Variants in STOX2 observed in about 807,000 individuals in gnomAD.
STOX2 encodes storkhead-box protein 2.
A neutral mutation model predicts 60.9 loss-of-function variants in STOX2; 28 were observed. That is an observed-to-expected ratio of 0.46 (90% CI 0.34 to 0.63). The LOEUF is 0.63. Among genes scored for constraint, STOX2 ranks in the 30% least tolerant of loss-of-function variants. STOX2 has a pLI of 0.01. For synonymous variants in STOX2, 472 were observed against 463.9 expected (o/e 1.02, Z -0.22); for missense variants, 1,024 against 1,187.7 (o/e 0.86, Z 2.03).
chr4:183,839,513 CTG>C (rs1275109149), intron 1 of STOX2, among the ~76,000 whole-genome samples: 3 of 152,226 alleles, frequency 2.0e-5, no homozygotes, highest in Admixed American at 2.0e-4. Context: ...GGCTCATCCG[CTG>C]TTCCTTTTAG....
Position 183,843,042 on chromosome 4 carries a change from G to A in STOX2, c.364+44987G>A, listed in dbSNP as rs141871234. On this transcript the variant is annotated intron_variant, in intron 1 of 2. Coordinates refer to the STOX2 transcript ENST00000513034. ...CAGGTGCCTGTAATCCCAGCTACTCGGGAGACTGAGGCAGAGAATTGCTTG... is the reference window on the plus strand; with the variant it reads ...CAGGTGCCTGTAATCCCAGCTACTCAGGAGACTGAGGCAGAGAATTGCTTG... Among the ~76,000 whole-genome samples, 1,491 of 151,486 alleles carry A rather than the reference G, an allele frequency of 9.8e-3. 28 individuals carry two copies. The highest frequency in any genetic ancestry group is 0.034 in the African/African-American group (1,397 of 41,284).
intron 1 of STOX2, among the ~76,000 whole-genome samples, chr4:183,860,457 AAG>A (rs1491022863): frequency 2.0e-5 from 3 of 147,784 alleles, no homozygotes; most frequent in Admixed American, 6.8e-5. Flanking sequence ...AAAAAAAAAA[AAG>A]AAGAAAAAGA....
At position 184,011,806 on chromosome 4, in the gene STOX2, G is replaced by A. The variant is rs979669350; in HGVS notation, c.2585+383G>A. 1.3e-5 allele frequency among the ~76,000 whole-genome samples: 2 copies of A among 152,070 alleles called. No individual in the cohort carries two copies. Among genetic ancestry groups the A allele is most frequent in the Admixed American group, 1.3e-4 (2 of 15,282 alleles). ...TAGAATAAATAGTCTGGGGGCGGGGGAGGAAGATAGGGGTTGGGAGTAAAC... is the reference window on the plus strand; with the variant it reads ...TAGAATAAATAGTCTGGGGGCGGGGAAGGAAGATAGGGGTTGGGAGTAAAC... On this transcript the variant is annotated intron_variant, in intron 3 of 3. Transcript: ENST00000308497. This position sits in a 1 kb window ranked among gnomAD's most constrained non-coding sequence, Gnocchi z 4.4.
intron 1 of STOX2, among the ~76,000 whole-genome samples, chr4:183,974,986 CA>C (rs1732395422): frequency 6.6e-6 from 1 of 151,956 alleles, no homozygotes; most frequent in South Asian, 2.1e-4. Flanking sequence ...TTGAAATAAT[CA>C]AAAGTAGTTA....
intron 1 of STOX2, among the ~76,000 whole-genome samples, chr4:183,951,858 T>C (rs566306230): frequency 3.9e-5 from 6 of 151,986 alleles, no homozygotes; most frequent in Non-Finnish European, 8.8e-5. Context: ...CAGGAGAATC[T>C]CTTGAACCCA....
intron 1 of STOX2, among the ~76,000 whole-genome samples, chr4:183,805,875 C>G (rs1339139789): frequency 2.0e-5 from 3 of 152,212 alleles, no homozygotes; most frequent in East Asian, 1.9e-4. Flanking sequence ...TTAAACAGCT[C>G]TTGATAGCTT....
chr4:183,804,040 A>G (rs1415917809), intron 1 of STOX2, among the ~76,000 whole-genome samples: 1 of 152,230 alleles, frequency 6.6e-6, no homozygotes, highest in Admixed American at 6.5e-5. Flanking sequence ...TAAGCACTTG[A>G]TAGAATAGAG....
intron 1 of STOX2, 92 bp downstream of exon 1, chr4:183,907,048 A>G: frequency 4.5e-6 from 5 of 1,100,700 alleles, no homozygotes; most frequent in Non-Finnish European, 6.4e-6. Flanking sequence ...GAGGACGGGC[A>G]GTGATGGATG....
At chr4:183,814,222 A>G (rs913899350) in intron 1 of STOX2, among the ~76,000 whole-genome samples, 1 of 152,244 alleles carries the variant, frequency 6.6e-6, no homozygotes, top group Non-Finnish European at 1.5e-5. Context: ...TATGAAGGTT[A>G]TGAAGCAACA....
chr4:184,010,317 G>A lies in STOX2; in HGVS notation c.1479G>A (p.Ser493=), dbSNP rs372739830. The change falls in exon 3 of 4, where the codon TCG becomes TCA. Residue 493 remains serine (S), a synonymous_variant. Coordinates refer to ENST00000308497, the MANE Select transcript of STOX2 (RefSeq NM_020225.3). This position sits in a 1 kb window ranked among gnomAD's most constrained non-coding sequence, Gnocchi z 4.5. ...RSNKAKERSR[S]MDNSKGPLGA... ...ACAAAGCCAAGGAGAGATCCAGGTCGATGGATAACTCCAAAGGCCCTCTGG... is the reference window on the plus strand; with the variant it reads ...ACAAAGCCAAGGAGAGATCCAGGTCAATGGATAACTCCAAAGGCCCTCTGG... The A allele has an allele frequency of 4.9e-5, 78 of 1,604,284 alleles. No homozygotes were observed. The highest frequency in any genetic ancestry group is 8.0e-5 in the African/African-American group (6 of 74,650).
intron 1 of STOX2, among the ~76,000 whole-genome samples, chr4:183,897,031 G>A (rs1741353331): frequency 6.6e-6 from 1 of 152,192 alleles, no homozygotes; most frequent in South Asian, 2.1e-4. Flanking sequence ...AACTTGCTCT[G>A]CCTGTTGAAG....
chr4:183,933,762 A>T (rs559182857), intron 1 of STOX2, among the ~76,000 whole-genome samples: 1 of 152,320 alleles, frequency 6.6e-6, no homozygotes, highest in African/African-American at 2.4e-5. Flanking sequence ...TTATGAGGTA[A>T]TTAGAATTGT....
At chr4:183,936,514 A>G (rs2111122886) in intron 1 of STOX2, among the ~76,000 whole-genome samples, 1 of 152,004 alleles carries the variant, frequency 6.6e-6, no homozygotes, top group Admixed American at 6.5e-5. Flanking sequence ...CTCTATACCA[A>G]AGTTGCTCAA....
intron 1 of STOX2, among the ~76,000 whole-genome samples, chr4:183,884,976 G>A (rs946780890): frequency 2.6e-5 from 4 of 152,168 alleles, no homozygotes; most frequent in Admixed American, 6.5e-5. Flanking sequence ...TGGGCGTCGC[G>A]TCCCCGTCGC....
intron 1 of STOX2, among the ~76,000 whole-genome samples, chr4:183,807,163 G>C (rs565107761): frequency 1.3e-5 from 2 of 152,088 alleles, no homozygotes; most frequent in African/African-American, 4.8e-5. Flanking sequence ...TAGTAGAGAC[G>C]GGGTTTCACC....
At chr4:183,820,360 A>G (rs1434496617) in intron 1 of STOX2, among the ~76,000 whole-genome samples, 4 of 152,150 alleles carry the variant, frequency 2.6e-5, no homozygotes, top group South Asian at 2.1e-4. Flanking sequence ...GGGCCACTCC[A>G]TGTCCCTTTC....
chr4:183,894,851 G>A (rs1741305562), intron 1 of STOX2, among the ~76,000 whole-genome samples: 1 of 152,174 alleles, frequency 6.6e-6, no homozygotes, highest in Non-Finnish European at 1.5e-5. Context: ...TGCACCATCT[G>A]TATAAACGAG....
chr4:183,906,998 G>A (rs564124660), intron 1 of STOX2, 42 bp downstream of exon 1: 9 of 1,483,100 alleles, frequency 6.1e-6, no homozygotes, highest in Admixed American at 4.5e-5. Flanking sequence ...CCGGGGCCGC[G>A]GGACGTGCTC....
intron 1 of STOX2, among the ~76,000 whole-genome samples, chr4:183,840,422 G>C (rs1739829853): frequency 6.6e-6 from 1 of 152,106 alleles, no homozygotes; most frequent in African/African-American, 2.4e-5. Context: ...TGGCCACCAG[G>C]GGGCAAGCGA....
Sources: allele counts gnomAD v4.1 joint callset (sites outside exome capture counted in the v4.1 genomes callset), GRCh38; gene constraint gnomAD v4.1.1; non-coding constraint Gnocchi (gnomAD v3.1); transcripts MANE v1.5; gene names NCBI Gene and HGNC (gene_info 2026-07-23, HGNC 2026-07-21).